Variants in DOP1A observed in about 807,000 individuals in gnomAD.
DOP1A encodes the protein DOP1 leucine zipper like protein A.
A neutral mutation model predicts 267.6 loss-of-function variants in DOP1A; 90 were observed. The ratio of observed to expected loss-of-function variants is 0.34; its 90% CI spans 0.28 to 0.40. The LOEUF (loss-of-function observed/expected upper bound fraction) is 0.40. Ranked by LOEUF, DOP1A falls within the 10% of genes least tolerant of loss-of-function variation. DOP1A has a pLI of 1.00. For synonymous variants in DOP1A, 932 were observed against 999.1 expected (o/e 0.93, Z 1.27); for missense variants, 2,437 against 2,900.4 (o/e 0.84, Z 3.67).
chr6:83,148,773 A>G lies in DOP1A; in HGVS notation c.5747A>G (p.Asn1916Ser), dbSNP rs755090633. 3.2e-6 allele frequency: 5 copies of G among 1,553,646 alleles called. No homozygotes were observed. In the Admixed American group the frequency reaches 6.6e-5, roughly 20 times the overall value. The change falls in exon 27 of 39, where the codon AAT (asparagine) becomes AGT (serine). Residue 1916 changes from asparagine (N) to serine (S), a missense_variant. Physicochemically the swap from Asn to Ser is conservative, Grantham distance 46 (BLOSUM62 1). This residue lies in a region of DOP1A where 216 missense variants were observed against 283.3 expected (regional missense o/e 0.76). Coordinates refer to ENST00000349129, the MANE Select transcript of DOP1A (RefSeq NM_015018.4). ...TTATCTTGCAGAATTCCAGTGCCCA[A>G]TTTAGTGGATAGCTGGGCGTCACTG... Reference protein sequence around the residue: ...YAYIQRIPVPNLVDSWASLLI... With the variant: ...YAYIQRIPVPSLVDSWASLLI...
intron 7 of DOP1A, among the ~76,000 whole-genome samples, chr6:83,118,557 G>A (rs1775849364): frequency 6.6e-6 from 1 of 152,012 alleles, no homozygotes; most frequent in Admixed American, 6.6e-5. Context: ...AAAGACTAAT[G>A]GCATATCATT....
chr6:83,140,000 G>A lies in DOP1A; in HGVS notation c.5121G>A (p.Arg1707=), dbSNP rs1449898885. 1 of 1,607,380 alleles carries A rather than the reference G, an allele frequency of 6.2e-7. No individual in the cohort carries two copies. Among genetic ancestry groups the A allele is most frequent in the South Asian group, 1.1e-5 (1 of 90,646 alleles). Residue 1707 remains arginine, a splice_region_variant and synonymous_variant, in exon 22 of 39, where the codon AGG becomes AGA. Transcript: ENST00000349129. ...YKYETGLSDS[R]PLWMASIIPP... is the part of the protein sequence containing the mutation. ...TTTAAATGAATGCATTTTACTTCAG[G>A]CCTCTGTGGATGGCATCAATTATTC...
In DOP1A at chr6:83,158,629, T is replaced by G. The variant is rs1783407499; in HGVS notation, c.6797+7T>G. On this transcript the variant is annotated splice_region_variant and intron_variant, in intron 36 of 38. Coordinates refer to ENST00000349129, the MANE Select transcript of DOP1A (RefSeq NM_015018.4). ...CTGATGAAGATATTTCACGGTAATA[T>G]GTAATTTAAATATATTGTTGTCCAT... 1 of 1,593,866 alleles carries G rather than the reference T, an allele frequency of 6.3e-7. No homozygotes were observed. The highest frequency in any genetic ancestry group is 8.6e-7 in the Non-Finnish European group (1 of 1,165,054).
chr6:83,102,970 A>G lies in DOP1A; in HGVS notation c.320+2084A>G, dbSNP rs528554033. On this transcript the variant is annotated intron_variant, in intron 4 of 38. Coordinates refer to ENST00000349129, the MANE Select transcript of DOP1A (RefSeq NM_015018.4). Reference sequence around the variant, plus strand: ...TATTCTCTTGCCCTGTAACTCTCAAATCCAGGTCTCTGATCAGATATCAGC... The same window carrying G: ...TATTCTCTTGCCCTGTAACTCTCAAGTCCAGGTCTCTGATCAGATATCAGC... 6.6e-5 allele frequency among the ~76,000 whole-genome samples: 10 copies of G among 152,234 alleles called. No homozygotes were observed. The East Asian group carries it at 1.9e-3, about 29-fold the overall frequency.
intron 4 of DOP1A, among the ~76,000 whole-genome samples, chr6:83,102,834 T>A (rs193070477): frequency 6.6e-6 from 1 of 152,378 alleles, no homozygotes; most frequent in East Asian, 1.9e-4. Flanking sequence ...CCTGGCTTTG[T>A]CAGTGACCTC....
intron 1 of DOP1A, among the ~76,000 whole-genome samples, chr6:83,091,140 C>T (rs72903851): frequency 0.019 from 2,846 of 151,682 alleles, 43 homozygotes; most frequent in Non-Finnish European, 0.029. Flanking sequence ...CAGGAAAACT[C>T]TCCCTTATAA....
At chr6:83,101,661 C>A (rs1772612152) in intron 4 of DOP1A, among the ~76,000 whole-genome samples, 1 of 152,170 alleles carries the variant, frequency 6.6e-6, no homozygotes, top group African/African-American at 2.4e-5. Flanking sequence ...TTTCTTAGGG[C>A]TCATTTAGTG....
chr6:83,125,783 G>T, intron 15 of DOP1A, 50 bp downstream of exon 15: 2 of 1,454,476 alleles, frequency 1.4e-6, no homozygotes. Flanking sequence ...TTTCTTCAAA[G>T]CAGAACAGTT....
chr6:83,155,916 G>T, intron 33 of DOP1A, 35 bp from the exon 34 acceptor site: 2 of 1,589,362 alleles, frequency 1.3e-6, no homozygotes, highest in South Asian at 2.3e-5. Context: ...TTCTTCAGAT[G>T]ACAGTGTCAC....
intron 27 of DOP1A, among the ~76,000 whole-genome samples, chr6:83,149,724 G>A (rs976348763): frequency 6.6e-6 from 1 of 152,130 alleles, no homozygotes; most frequent in Non-Finnish European, 1.5e-5. Flanking sequence ...CAAGTGGGAA[G>A]TGTGGGGATG....
chr6:83,101,009 TATCA>T (rs1483022217), intron 4 of DOP1A, 123 bp downstream of exon 4: 2 of 568,728 alleles, frequency 3.5e-6, no homozygotes, highest in Non-Finnish European at 5.2e-6. Flanking sequence ...AGTTTTCAGA[TATCA>T]ATCTTTGTTT....
intron 24 of DOP1A, among the ~76,000 whole-genome samples, chr6:83,143,352 A>G (rs1779950722): frequency 6.6e-6 from 1 of 152,252 alleles, no homozygotes; most frequent in Non-Finnish European, 1.5e-5. Context: ...TGTAATTCAC[A>G]TAGAGCAATG....
rs1776856049 is a variant in DOP1A at position 83,124,608 on chromosome 6, A to G, written c.1341-97A>G. On this transcript the variant is annotated intron_variant, in intron 12 of 38. Coordinates refer to ENST00000349129, the MANE Select transcript of DOP1A (RefSeq NM_015018.4). The stretch of plus-strand genomic sequence containing the variant: ...ACAAAAACATTACTGTGTGTGACCC[A>G]ATATTGACTTGGACTTCATTAGAAG... The G allele has an allele frequency of 3.4e-6, 3 of 883,240 alleles. No homozygotes were observed. In the Admixed American group the frequency reaches 6.2e-5, roughly 18 times the overall value. The allele number at this position is 883,240 out of a possible 1,614,324, so 54.7% of individuals were successfully genotyped here.
At chr6:83,087,541 TGAAAGTGAAGAGTAATGACTAGGAG>T (rs1230944527) in intron 1 of DOP1A, among the ~76,000 whole-genome samples, 1 of 152,166 alleles carries the variant, frequency 6.6e-6, no homozygotes, top group African/African-American at 2.4e-5. Context: ...ACAGCCTCCG[TGAAAGTGAAGAGTAATGACTAGGAG>T]TTAGGACTCT....
At chr6:83,125,835 G>A in intron 15 of DOP1A, 102 bp downstream of exon 15, 2 of 1,034,808 alleles carry the variant, frequency 1.9e-6, no homozygotes, top group Non-Finnish European at 2.8e-6. Context: ...AAATAATAGT[G>A]AGTCTTTCCT....
chr6:83,092,556 T>TCCCCCCCCC (rs66482434), intron 1 of DOP1A, among the ~76,000 whole-genome samples: 5 of 67,852 alleles, frequency 7.4e-5, no homozygotes, highest in African/African-American at 1.1e-4. Context: ...GTAGTGTCCC[T>TCCCCCCCCC]CCCCCCCCCC....
chr6:83,153,741 T>A, intron 31 of DOP1A, 121 bp downstream of exon 31: 2 of 1,169,968 alleles, frequency 1.7e-6, no homozygotes, highest in Non-Finnish European at 1.2e-6. Context: ...GAATTATAAT[T>A]GTTTAAAAAA....
At chr6:83,111,576 A>G (rs1316527199) in intron 6 of DOP1A, among the ~76,000 whole-genome samples, 1 of 152,036 alleles carries the variant, frequency 6.6e-6, no homozygotes, top group African/African-American at 2.4e-5. Context: ...CCCAGTGGGT[A>G]TAAAGTATTC....
intron 1 of DOP1A, among the ~76,000 whole-genome samples, chr6:83,093,449 C>T (rs1770842224): frequency 8.5e-5 from 13 of 152,164 alleles, no homozygotes; most frequent in Admixed American, 8.5e-4. Flanking sequence ...AGATTTTACT[C>T]ATTGGCTATA....
Sources: allele counts gnomAD v4.1 joint callset (sites outside exome capture counted in the v4.1 genomes callset), GRCh38; gene constraint gnomAD v4.1.1; regional missense constraint gnomAD v4.1.1; transcripts MANE v1.5; gene names NCBI Gene and HGNC (gene_info 2026-07-23, HGNC 2026-07-21).